Variants in SEPTIN10 observed in about 807,000 individuals in gnomAD.
SEPTIN10 encodes septin-10.
In SEPTIN10, 66 loss-of-function variants were observed where a neutral mutation model predicts 54.8. The ratio of observed to expected loss-of-function variants is 1.21; its 90% CI spans 0.99 to 1.48. The LOEUF (loss-of-function observed/expected upper bound fraction) is 1.48, where lower values mean the gene tolerates loss of function less well. Ranked by LOEUF, SEPTIN10 falls within the 40% of genes most tolerant of loss-of-function variation. The pLI is 0.00. For synonymous variants in SEPTIN10, 161 were observed against 181.0 expected (o/e 0.89, Z 0.89); for missense variants, 620 against 545.6 (o/e 1.14, Z -1.36).
chr2:109,554,345 C>T (rs183638143), intron 8 of SEPTIN10, among the ~76,000 whole-genome samples: 75 of 152,222 alleles, frequency 4.9e-4, no homozygotes, highest in Admixed American at 4.7e-3. Flanking sequence ...ATTTGTGTAT[C>T]GTATACACAA....
At chr2:109,612,398 A>G (rs1699444894) in intron 1 of SEPTIN10, among the ~76,000 whole-genome samples, 1 of 152,194 alleles carries the variant, frequency 6.6e-6, no homozygotes. Flanking sequence ...GTATCAATCA[A>G]TGACAATATG....
At chr2:109,574,822 C>A in intron 4 of SEPTIN10, 55 bp from the exon 5 acceptor site, 2 of 1,275,256 alleles carry the variant, frequency 1.6e-6, no homozygotes. Context: ...CTTAAGATAT[C>A]TGTGCAACTC....
At chr2:109,558,503 A>C (rs745646242) in intron 8 of SEPTIN10, among the ~76,000 whole-genome samples, 5 of 152,208 alleles carry the variant, frequency 3.3e-5, no homozygotes, top group Non-Finnish European at 5.9e-5. Context: ...TTTAATTATT[A>C]AACTTGGGGA....
intron 9 of SEPTIN10, among the ~76,000 whole-genome samples, chr2:109,550,312 T>G (rs904411892): frequency 7.0e-6 from 1 of 142,058 alleles, no homozygotes; most frequent in Non-Finnish European, 1.5e-5. Flanking sequence ...AAAAAGTATC[T>G]TTTTTTTTTT....
rs372772922 is a variant in SEPTIN10, at chr2:109,613,823, G to A, written c.5C>T (p.Ala2Val). Reference protein sequence around the residue: MASSEVARHLLF... With the variant: MVSSEVARHLLF... ...CAGGTGCCGCGCCACCTCGGAGGAG[G>A]CCATGGTCGCGGGCAGGGGCACGGT... Residue 2 changes from alanine to valine, a missense_variant, in exon 1 of 11, where the codon GCC becomes GTC. Coordinates refer to ENST00000397712, the MANE Select transcript of SEPTIN10 (RefSeq NM_144710.5). 2,531 of 1,237,342 alleles carry A rather than the reference G, an allele frequency of 2.0e-3. 1 individual carries two copies. The highest frequency in any genetic ancestry group is 2.4e-3 in the Non-Finnish European group (2,422 of 991,870). The allele number at this position is 1,237,342 out of a possible 1,614,324, so 76.6% of individuals were successfully genotyped here. A position where few individuals can be genotyped will look rare whatever the true frequency, so the allele number is the denominator to read the frequency against.
intron 4 of SEPTIN10, among the ~76,000 whole-genome samples, chr2:109,576,602 T>C (rs1168715788): frequency 6.6e-6 from 1 of 152,110 alleles, no homozygotes; most frequent in African/African-American, 2.4e-5. Flanking sequence ...AAGTATATAT[T>C]TCACATAAAA....
chr2:109,545,622 A>C, intron 10 of SEPTIN10: 6 of 1,528,366 alleles, frequency 3.9e-6, no homozygotes, highest in Non-Finnish European at 4.4e-6. Flanking sequence ...TTAATTCAAT[A>C]AAATACTATC....
intron 2 of SEPTIN10, among the ~76,000 whole-genome samples, chr2:109,588,799 A>T (rs1191544126): frequency 6.8e-6 from 1 of 147,968 alleles, no homozygotes; most frequent in Non-Finnish European, 1.5e-5. Context: ...CTAAAATATT[A>T]TATTATTTGA....
intron 10 of SEPTIN10, chr2:109,545,660 C>A: frequency 6.7e-7 from 1 of 1,488,086 alleles, no homozygotes; most frequent in South Asian, 1.4e-5. Context: ...CAACAAAGGG[C>A]ACAGCTTTAT....
At chr2:109,599,458 CAAAAA>C (rs55670927) in intron 1 of SEPTIN10, among the ~76,000 whole-genome samples, 1 of 63,308 alleles carries the variant, frequency 1.6e-5, no homozygotes. Flanking sequence ...ACTCAGTCTC[CAAAAA>C]AAAAAAAAAA....
chr2:109,596,111 AG>A (rs1695242549), intron 1 of SEPTIN10, among the ~76,000 whole-genome samples: 1 of 152,156 alleles, frequency 6.6e-6, no homozygotes, highest in Non-Finnish European at 1.5e-5. Context: ...AGCTCGCTGC[AG>A]CCTCAACCTC....
intron 1 of SEPTIN10, among the ~76,000 whole-genome samples, chr2:109,610,095 G>GTTTTTTTTTTTTTTTTTT (rs554268137): frequency 7.0e-6 from 1 of 143,434 alleles, no homozygotes; most frequent in African/African-American, 2.6e-5. Flanking sequence ...TCCCTGAGGT[G>GTTTTTTTTTTTTTTTTTT]TTTTTTTTTT....
chr2:109,567,013 T>A (rs1465698834), intron 6 of SEPTIN10, among the ~76,000 whole-genome samples: 1 of 151,920 alleles, frequency 6.6e-6, no homozygotes, highest in African/African-American at 2.4e-5. Flanking sequence ...TTTACATTAG[T>A]CAGTTTTTTT....
chr2:109,549,656 TC>T (rs1456506355), intron 9 of SEPTIN10, among the ~76,000 whole-genome samples: 1 of 151,996 alleles, frequency 6.6e-6, no homozygotes, highest in Non-Finnish European at 1.5e-5. Flanking sequence ...GGTACGATAG[TC>T]CCCCCTTTTC....
intron 1 of SEPTIN10, among the ~76,000 whole-genome samples, chr2:109,612,314 G>A (rs1699425860): frequency 6.6e-6 from 1 of 152,198 alleles, no homozygotes; most frequent in Non-Finnish European, 1.5e-5. Flanking sequence ...AGGCAGGGCA[G>A]GAAAGAAGTG....
At chr2:109,547,326 T>C (rs914854734) in intron 9 of SEPTIN10, among the ~76,000 whole-genome samples, 1 of 152,032 alleles carries the variant, frequency 6.6e-6, no homozygotes, top group Non-Finnish European at 1.5e-5. Flanking sequence ...ACTCATTGAC[T>C]GTATCACCCC....
In SEPTIN10 at chr2:109,613,710, C is replaced by A. The variant is rs377032638; in HGVS notation, c.30+88G>T. 6 of 905,080 alleles carry A rather than the reference C, an allele frequency of 6.6e-6. No homozygotes were observed. In the East Asian group the frequency reaches 1.4e-4, roughly 22 times the overall value. The allele number at this position is 905,080 out of a possible 1,614,324, so 56.1% of individuals were successfully genotyped here. A position where few individuals can be genotyped will look rare whatever the true frequency, so the allele number is the denominator to read the frequency against. On this transcript the variant is annotated intron_variant, in intron 1 of 10. Transcript: ENST00000397712. ...GGGGGCGCGGGTCACAATCCCGGGC[C>A]GGACCAGGGGGCCGGTGGGTCGAGG...
At chr2:109,571,024 C>T (rs717188) in intron 5 of SEPTIN10, among the ~76,000 whole-genome samples, 9,797 of 151,954 alleles carry the variant, frequency 0.064, 752 homozygotes, top group East Asian at 0.24. Flanking sequence ...CAGAGTTGTC[C>T]CTTGCTGTTC....
chr2:109,597,129 C>T (rs1160369080), intron 1 of SEPTIN10, among the ~76,000 whole-genome samples: 8 of 151,864 alleles, frequency 5.3e-5, no homozygotes, highest in African/African-American at 1.9e-4. Flanking sequence ...TTTGTAGAGA[C>T]GAGATCTCAC....
Sources: allele counts gnomAD v4.1 joint callset (sites outside exome capture counted in the v4.1 genomes callset), GRCh38; gene constraint gnomAD v4.1.1; transcripts MANE v1.5; gene names NCBI Gene and HGNC (gene_info 2026-07-23, HGNC 2026-07-21).